The following SAMD12 variants were observed in gnomAD, a reference collection of about 807,000 sequenced individuals.
The protein encoded by SAMD12 is sterile alpha motif domain containing 12, also known as sterile alpha motif domain-containing protein 12.
A neutral mutation model predicts 15.0 loss-of-function variants in SAMD12; 9 were observed. The observed-to-expected ratio is 0.60, with a 90% CI of 0.36 to 1.05. The LOEUF (loss-of-function observed/expected upper bound fraction) is 1.05. Ranked by LOEUF, SAMD12 falls within the 50% of genes least tolerant of loss-of-function variation. The pLI, the probability that SAMD12 is intolerant of heterozygous loss-of-function variation, is 0.01. For synonymous variants in SAMD12, 86 were observed against 90.1 expected (o/e 0.96, Z 0.25); for missense variants, 230 against 234.2 (o/e 0.98, Z 0.12).
chr8:118,309,822 G>A (rs554142805), intron 4 of SAMD12, among the ~76,000 whole-genome samples: 1 of 152,078 alleles, frequency 6.6e-6, no homozygotes, highest in South Asian at 2.1e-4. Context: ...TCTGTCTTGT[G>A]TTGCCACAAT....
intron 2 of SAMD12, among the ~76,000 whole-genome samples, chr8:118,567,430 G>A (rs1826881620): frequency 1.3e-5 from 2 of 152,114 alleles, no homozygotes; most frequent in Admixed American, 1.3e-4. Flanking sequence ...AATGTGTAGG[G>A]TTAATCCTTC....
intron 2 of SAMD12, among the ~76,000 whole-genome samples, chr8:118,561,678 C>T (rs921015094): frequency 6.6e-6 from 1 of 152,174 alleles, no homozygotes; most frequent in Non-Finnish European, 1.5e-5. Flanking sequence ...TAACCATCCC[C>T]ATGATTCAAT....
intron 2 of SAMD12, among the ~76,000 whole-genome samples, chr8:118,447,717 T>C (rs1021856700): frequency 3.4e-5 from 5 of 144,974 alleles, no homozygotes; most frequent in Non-Finnish European, 6.1e-5. Context: ...TTTATTTATT[T>C]ATTTATTTAT....
At chr8:118,393,376 A>G (rs914851465) in intron 3 of SAMD12, among the ~76,000 whole-genome samples, 5 of 102,412 alleles carry the variant, frequency 4.9e-5, no homozygotes, top group African/African-American at 2.1e-4. Flanking sequence ...TTTTATATGT[A>G]TGTGTGTATA....
At chr8:118,466,674 C>T (rs887786903) in intron 2 of SAMD12, among the ~76,000 whole-genome samples, 4 of 151,988 alleles carry the variant, frequency 2.6e-5, no homozygotes, top group East Asian at 3.8e-4. Flanking sequence ...GGTCTGTAAC[C>T]GACCATCCTT....
At chr8:118,533,080 C>A (rs547243967) in intron 2 of SAMD12, among the ~76,000 whole-genome samples, 3 of 152,212 alleles carry the variant, frequency 2.0e-5, no homozygotes, top group Admixed American at 2.0e-4. Flanking sequence ...GCATTTAGTG[C>A]TATAAATTTC....
intron 4 of SAMD12, among the ~76,000 whole-genome samples, chr8:118,286,111 G>A (rs1002029489): frequency 7.1e-6 from 1 of 141,634 alleles, no homozygotes; most frequent in Non-Finnish European, 1.5e-5. Context: ...GGTGGGAATT[G>A]AACAATGAGA....
intron 4 of SAMD12, among the ~76,000 whole-genome samples, chr8:118,243,112 C>T (rs568151243): frequency 4.6e-5 from 7 of 152,214 alleles, no homozygotes; most frequent in Admixed American, 1.3e-4. Flanking sequence ...GAATGCTAGG[C>T]ATCAAATAGA....
chr8:118,254,423 C>T (rs1241442119), intron 4 of SAMD12, among the ~76,000 whole-genome samples: 1 of 152,064 alleles, frequency 6.6e-6, no homozygotes, highest in Non-Finnish European at 1.5e-5. Flanking sequence ...TGATTCATGC[C>T]GCGTAGAAAG....
intron 4 of SAMD12, among the ~76,000 whole-genome samples, chr8:118,320,685 G>GGA (rs1816197968): frequency 7.4e-6 from 1 of 136,006 alleles, no homozygotes; most frequent in African/African-American, 2.7e-5. Context: ...GGGGGGTGGG[G>GGA]AGGGATAGCA....
At chr8:118,308,324 G>A (rs190968105) in intron 4 of SAMD12, among the ~76,000 whole-genome samples, 115 of 152,200 alleles carry the variant, frequency 7.6e-4, no homozygotes, top group Non-Finnish European at 1.3e-3. Context: ...TGATGATGAC[G>A]ATGGCAATGA....
chr8:118,145,658 C>T, the SAMD12 span, among the ~76,000 whole-genome samples: 7 of 152,070 alleles, frequency 4.6e-5, no homozygotes, highest in African/African-American at 9.7e-5. Flanking sequence ...GGTGAGGAAG[C>T]GGGATTGGAC....
At chr8:118,324,223 C>T (rs1816453267) in intron 4 of SAMD12, among the ~76,000 whole-genome samples, 1 of 152,114 alleles carries the variant, frequency 6.6e-6, no homozygotes, top group Non-Finnish European at 1.5e-5. Flanking sequence ...CAAAGAACCA[C>T]CTAATATTTC....
intron 2 of SAMD12, among the ~76,000 whole-genome samples, chr8:118,559,212 T>C (rs773261404): frequency 2.6e-5 from 4 of 152,180 alleles, no homozygotes; most frequent in African/African-American, 4.8e-5. Flanking sequence ...AAGACCCTTT[T>C]TTCCCCCCTA....
At chr8:118,450,801 G>A (rs1451937380) in intron 2 of SAMD12, among the ~76,000 whole-genome samples, 1 of 152,196 alleles carries the variant, frequency 6.6e-6, no homozygotes, top group Non-Finnish European at 1.5e-5. Context: ...GAATGTGGCA[G>A]AGGTGGTGAT....
intron 1 of SAMD12, among the ~76,000 whole-genome samples, chr8:118,610,523 T>G (rs1828083249): frequency 6.6e-6 from 1 of 152,138 alleles, no homozygotes; most frequent in Non-Finnish European, 1.5e-5. Flanking sequence ...ATTCTCTCGA[T>G]GATTAGGTGG....
intron 2 of SAMD12, among the ~76,000 whole-genome samples, chr8:118,495,055 G>T (rs1020090789): frequency 1.3e-5 from 2 of 152,144 alleles, no homozygotes; most frequent in African/African-American, 4.8e-5. Context: ...ATGAAAAAGT[G>T]CCCATAAAGT....
chr8:118,253,797 C>T (rs921367368), intron 4 of SAMD12, among the ~76,000 whole-genome samples: 2 of 152,162 alleles, frequency 1.3e-5, no homozygotes, highest in South Asian at 2.1e-4. Context: ...AAAGGCAACA[C>T]AGAGGTGATT....
chr8:118,418,114 G>A (rs757036246), intron 3 of SAMD12, among the ~76,000 whole-genome samples: 3 of 152,154 alleles, frequency 2.0e-5, no homozygotes, highest in South Asian at 4.1e-4. Flanking sequence ...GGAATAGGAC[G>A]ATTTTTGTAA....
Sources: allele counts gnomAD v4.1 joint callset (sites outside exome capture counted in the v4.1 genomes callset), GRCh38; gene constraint gnomAD v4.1.1; transcripts MANE v1.5; gene names NCBI Gene and HGNC (gene_info 2026-07-23, HGNC 2026-07-21).